The following TRPS1 variants were observed in gnomAD, a reference collection of about 807,000 sequenced individuals.
TRPS1 encodes the protein zinc finger transcription factor Trps1.
TRPS1 carries 6 observed loss-of-function variants against 101.2 expected under a neutral mutation model. The ratio of observed to expected loss-of-function variants is 0.06; its 90% CI spans 0.03 to 0.12. The LOEUF is 0.12. Ranked by LOEUF, TRPS1 falls within the 10% of genes least tolerant of loss-of-function variation. TRPS1 has a pLI of 1.00. For missense variants in TRPS1, 1,363 were observed against 1,567.0 expected (o/e 0.87, Z 2.20); for synonymous variants, 578 against 589.8 (o/e 0.98, Z 0.29).
rs533103517 is a variant in TRPS1, at chr8:115,574,862, C to T, written c.2700+12139G>A. On this transcript the variant is annotated intron_variant, in intron 5 of 6. Coordinates refer to ENST00000395715, the MANE Select transcript of TRPS1 (RefSeq NM_014112.5). ...ATACCTGGCTGATTCTTTGCTGCTGCTCAAGAAATGCACCTTATTCAAATA... is the reference window on the plus strand; with the variant it reads ...ATACCTGGCTGATTCTTTGCTGCTGTTCAAGAAATGCACCTTATTCAAATA... Among the ~76,000 whole-genome samples the T allele has an allele frequency of 5.9e-5, 9 of 152,198 alleles. No individual in the cohort carries two copies. The South Asian group carries it at 1.9e-3, about 32-fold the overall frequency.
chr8:115,519,792 T>A (rs1815812930), intron 5 of TRPS1, among the ~76,000 whole-genome samples: 1 of 151,680 alleles, frequency 6.6e-6, no homozygotes, highest in African/African-American at 2.4e-5. Context: ...AACATAAGAT[T>A]ACAGAGTGAA....
intron 5 of TRPS1, among the ~76,000 whole-genome samples, chr8:115,543,631 A>T (rs1816504819): frequency 6.6e-6 from 1 of 152,096 alleles, no homozygotes; most frequent in Non-Finnish European, 1.5e-5. Flanking sequence ...TCTTCTTCAT[A>T]CAAGATTAAC....
intron 5 of TRPS1, among the ~76,000 whole-genome samples, chr8:115,571,934 C>T (rs185220955): frequency 6.6e-5 from 10 of 151,706 alleles, no homozygotes; most frequent in East Asian, 5.8e-4. Flanking sequence ...TCTGAATAAA[C>T]GCTATTTACA....
chr8:115,588,102 C>G (rs1817608719), intron 4 of TRPS1, among the ~76,000 whole-genome samples: 1 of 152,112 alleles, frequency 6.6e-6, no homozygotes, highest in Non-Finnish European at 1.5e-5. Flanking sequence ...GAGGATTTTT[C>G]CCCCTGTAGA....
At chr8:115,576,870 A>G (rs1380742530) in intron 5 of TRPS1, among the ~76,000 whole-genome samples, 2 of 152,230 alleles carry the variant, frequency 1.3e-5, no homozygotes, top group Non-Finnish European at 1.5e-5. Context: ...AAGTTATGAC[A>G]GTATTAGCTG....
intron 5 of TRPS1, among the ~76,000 whole-genome samples, chr8:115,466,926 T>C (rs1205165500): frequency 2.6e-5 from 4 of 152,072 alleles, no homozygotes; most frequent in African/African-American, 9.7e-5. Context: ...AAAGTTAATC[T>C]CAAGAGAACT....
chr8:115,498,117 C>T (rs1192618057), intron 5 of TRPS1, among the ~76,000 whole-genome samples: 1 of 152,062 alleles, frequency 6.6e-6, no homozygotes, highest in African/African-American at 2.4e-5. Context: ...GTGGCTCACG[C>T]CTGTCATCCC....
At chr8:115,495,760 A>G (rs188505509) in intron 5 of TRPS1, among the ~76,000 whole-genome samples, 1 of 152,190 alleles carries the variant, frequency 6.6e-6, no homozygotes, top group Non-Finnish European at 1.5e-5. Flanking sequence ...AGGAAAACAC[A>G]TGGAATTAAC....
intron 5 of TRPS1, among the ~76,000 whole-genome samples, chr8:115,420,359 G>T (rs1813023189): frequency 6.6e-6 from 1 of 152,192 alleles, no homozygotes; most frequent in Non-Finnish European, 1.5e-5. Context: ...AGTAAGCTGG[G>T]AGCCTAGTTA....
intron 2 of TRPS1, among the ~76,000 whole-genome samples, chr8:115,621,233 A>G (rs1480730742): frequency 6.6e-6 from 1 of 152,222 alleles, no homozygotes; most frequent in Admixed American, 6.5e-5. Flanking sequence ...CACTCAGCTT[A>G]AAAAGCTGTC....
intron 5 of TRPS1, among the ~76,000 whole-genome samples, chr8:115,551,946 T>C (rs1371191145): frequency 6.6e-6 from 1 of 152,182 alleles, no homozygotes; most frequent in Non-Finnish European, 1.5e-5. Context: ...CAGGTGTGCC[T>C]CAAGGACTTC....
At chr8:115,557,111 C>T (rs557710986) in intron 5 of TRPS1, among the ~76,000 whole-genome samples, 4 of 152,048 alleles carry the variant, frequency 2.6e-5, no homozygotes, top group Non-Finnish European at 4.4e-5. Context: ...TGCAGGGAAA[C>T]CCCTCTTTTT....
intron 5 of TRPS1, among the ~76,000 whole-genome samples, chr8:115,512,416 C>G (rs1163189302): frequency 1.3e-4 from 20 of 151,324 alleles, no homozygotes; most frequent in Admixed American, 1.3e-3. Context: ...TAAAATGGAC[C>G]CTATCATAAA....
At chr8:115,549,328 C>T (rs965895300) in intron 5 of TRPS1, among the ~76,000 whole-genome samples, 8 of 152,246 alleles carry the variant, frequency 5.3e-5, no homozygotes, top group Admixed American at 5.2e-4. Context: ...ATGTATTCAG[C>T]ATTATATAAT....
At chr8:115,444,507 TC>T (rs1405463102) in intron 5 of TRPS1, among the ~76,000 whole-genome samples, 1 of 152,224 alleles carries the variant, frequency 6.6e-6, no homozygotes, top group Non-Finnish European at 1.5e-5. Context: ...CTGTCTTCAA[TC>T]TGTTCATTTC....
chr8:115,668,494 C>CGCCCCCCGCA (rs1811987334), intron 1 of TRPS1, 51 bp downstream of exon 1: 2 of 145,850 alleles, frequency 1.4e-5, no homozygotes, highest in African/African-American at 2.5e-5. Context: ...GCGCCCCCCG[C>CGCCCCCCGCA]GCCCCCCGCA....
intron 5 of TRPS1, among the ~76,000 whole-genome samples, chr8:115,560,298 A>G (rs1816917059): frequency 1.3e-5 from 2 of 152,150 alleles, no homozygotes; most frequent in African/African-American, 4.8e-5. Flanking sequence ...AAAGGAATCC[A>G]CGAAGAAAAA....
At chr8:115,419,288 T>C (rs1050732167) in intron 5 of TRPS1, among the ~76,000 whole-genome samples, 2 of 152,070 alleles carry the variant, frequency 1.3e-5, no homozygotes, top group Non-Finnish European at 2.9e-5. Context: ...CAAGTAATGA[T>C]TCCATTAAAC....
chr8:115,609,689 T>C (rs1467389428), intron 3 of TRPS1, among the ~76,000 whole-genome samples: 1 of 152,226 alleles, frequency 6.6e-6, no homozygotes, highest in Non-Finnish European at 1.5e-5. Context: ...TAAAGTTATA[T>C]AAAAACACCT....
Sources: allele counts gnomAD v4.1 joint callset (sites outside exome capture counted in the v4.1 genomes callset), GRCh38; gene constraint gnomAD v4.1.1; transcripts MANE v1.5; gene names NCBI Gene and HGNC (gene_info 2026-07-23, HGNC 2026-07-21).